Variants in SPI1 observed in about 807,000 individuals in gnomAD.
SPI1 encodes the protein transcription factor PU.1.
Under a neutral mutation model 30.7 loss-of-function variants are expected in SPI1, and 3 were observed. The ratio of observed to expected loss-of-function variants is 0.10; its 90% CI spans 0.04 to 0.25. The LOEUF (loss-of-function observed/expected upper bound fraction) is 0.25. SPI1 is among the 10% of genes least tolerant of loss of function. The pLI is 1.00. For synonymous variants in SPI1, 169 were observed against 157.1 expected (o/e 1.08, Z -0.56); for missense variants, 261 against 371.5 (o/e 0.70, Z 2.45).
In SPI1 at chr11:47,375,993, A is replaced by G. The variant is rs139184642; in HGVS notation, c.46-264T>C. ...CTGGGCTACTCCCCATAGCCACCTC[A>G]CGCTCACACTCACACTCACGCCTGT... On this transcript the variant is annotated intron_variant, in intron 1 of 4. Coordinates refer to ENST00000378538, the MANE Select transcript of SPI1 (RefSeq NM_003120.3). The surrounding 1 kb of genome is among the most constrained non-coding windows in gnomAD (Gnocchi z 4.2). Among the ~76,000 whole-genome samples the G allele has an allele frequency of 1.4e-4, 21 of 151,916 alleles. No homozygotes were observed. In the East Asian group the frequency reaches 4.1e-3, roughly 29 times the overall value.
At chr11:47,360,875 A>T (rs11039202) in intron 2 of SPI1, among the ~76,000 whole-genome samples, 45,481 of 150,158 alleles carry the variant, frequency 0.3, 7,051 homozygotes, top group Middle Eastern at 0.4. Flanking sequence ...TAATCCCAGC[A>T]CTTTGGGAGG....
At chr11:47,360,798 C>T (rs756050867) in intron 2 of SPI1, among the ~76,000 whole-genome samples, 8 of 143,398 alleles carry the variant, frequency 5.6e-5, no homozygotes, top group Admixed American at 1.4e-4. Flanking sequence ...GCACTCCAGC[C>T]TGGCGACAGA....
rs1202744874 is a variant in SPI1, at chr11:47,359,634, TG to T, written c.330+218del. On this transcript the variant is annotated intron_variant, in intron 3 of 4. Coordinates refer to ENST00000378538, the MANE Select transcript of SPI1 (RefSeq NM_003120.3). The surrounding 1 kb of genome is among the most constrained non-coding windows in gnomAD (Gnocchi z 5.1). ...GCTTGGTGAGGGTGCGAGAATTATC[TG>T]GGGTCTGTCCATACTCGGGGTGAGA... is the stretch of plus-strand genomic sequence containing the variant. Among the ~76,000 whole-genome samples the T allele has an allele frequency of 2.0e-5, 3 of 149,754 alleles. No homozygotes were observed. The East Asian group carries it at 5.9e-4, about 30-fold the overall frequency.
At chr11:47,360,162 G>GC in intron 2 of SPI1, 122 bp from the exon 3 acceptor site, 1 of 844,384 alleles carries the variant, frequency 1.2e-6, no homozygotes. Flanking sequence ...TTTAACCCTC[G>GC]CCACCTGCAT....
chr11:47,376,503 C>T (rs1392969890), intron 1 of SPI1, among the ~76,000 whole-genome samples: 1 of 151,930 alleles, frequency 6.6e-6, no homozygotes, highest in Non-Finnish European at 1.5e-5. Context: ...GGGCCTTGAT[C>T]CCCTCACTCT....
At chr11:47,366,917 T>A (rs1484026415) in intron 2 of SPI1, among the ~76,000 whole-genome samples, 1 of 152,260 alleles carries the variant, frequency 6.6e-6, no homozygotes, top group African/African-American at 2.4e-5. Context: ...CCTTGGATTC[T>A]AATTATTAGA....
chr11:47,357,635 G>T (rs1464582563), intron 4 of SPI1, among the ~76,000 whole-genome samples: 1 of 152,012 alleles, frequency 6.6e-6, no homozygotes, highest in African/African-American at 2.4e-5. Flanking sequence ...GCACGATCTC[G>T]GCTCACTGCA....
intron 2 of SPI1, among the ~76,000 whole-genome samples, chr11:47,367,188 T>A (rs2095929524): frequency 6.6e-6 from 1 of 152,042 alleles, no homozygotes; most frequent in South Asian, 2.1e-4. Context: ...AAGAAGTATA[T>A]GGAAATTGGA....
intron 4 of SPI1, among the ~76,000 whole-genome samples, chr11:47,356,012 A>G (rs2095908217): frequency 6.6e-6 from 1 of 150,834 alleles, no homozygotes; most frequent in Non-Finnish European, 1.5e-5. Context: ...GTATCTGATC[A>G]CACACATGCT....
At chr11:47,358,697 C>A (rs1188593854) in intron 4 of SPI1, 147 bp downstream of exon 4, 1 of 825,332 alleles carries the variant, frequency 1.2e-6, no homozygotes, top group Non-Finnish European at 2.0e-6. Context: ...CACAGACAGC[C>A]CCACAAAACA....
rs545850593 is a variant in SPI1, at chr11:47,375,471, G to A, written c.142+162C>T. On this transcript the variant is annotated intron_variant, in intron 2 of 4. Transcript: ENST00000378538. This position sits in a 1 kb window ranked among gnomAD's most constrained non-coding sequence, Gnocchi z 4.2. ...TCCATAATGGAGGCTCAGGTGTGGG[G>A]GTGCAGCGATGATGCTGCAGTTCAC... is the stretch of plus-strand genomic sequence containing the variant. Among the ~76,000 whole-genome samples, 1 of 152,188 alleles carries A rather than the reference G, an allele frequency of 6.6e-6. No homozygotes were observed. The highest frequency in any genetic ancestry group is 1.5e-5 in the Non-Finnish European group (1 of 68,040).
In SPI1 at chr11:47,374,975, T is replaced by A. The variant is rs1191049965; in HGVS notation, c.142+658A>T. Among the ~76,000 whole-genome samples the A allele has an allele frequency of 6.6e-6, 1 of 152,104 alleles. No individual in the cohort carries two copies. The highest frequency in any genetic ancestry group is 2.4e-5 in the African/African-American group (1 of 41,412). On this transcript the variant is annotated intron_variant, in intron 2 of 4. Transcript: ENST00000378538. This position sits in a 1 kb window ranked among gnomAD's most constrained non-coding sequence, Gnocchi z 4.5. ...TTTCCTTCGGCCCAGCAGTTCCCAA[T>A]TAGGGGTGATTTTGCCTCCCGGGGG... is the stretch of plus-strand genomic sequence containing the variant.
In SPI1 at chr11:47,359,157, G is replaced by A; in HGVS notation, c.331-151C>T. 1.4e-6 allele frequency: 1 copy of A among 694,450 alleles called. No homozygotes were observed. The highest frequency in any genetic ancestry group is 2.4e-6 in the Non-Finnish European group (1 of 418,834). The allele number at this position is 694,450 out of a possible 1,614,324, so 43.0% of individuals were successfully genotyped here. A position where few individuals can be genotyped will look rare whatever the true frequency, so the allele number is the denominator to read the frequency against. ...CTGGAGGAAGAAGACCAGGGAAAAG[G>A]GGGGCCAGTTGAGGTGCTGCACATA... On this transcript the variant is annotated intron_variant, in intron 3 of 4. Coordinates refer to ENST00000378538, the MANE Select transcript of SPI1 (RefSeq NM_003120.3). The surrounding 1 kb of genome is among the most constrained non-coding windows in gnomAD (Gnocchi z 5.1).
intron 1 of SPI1, among the ~76,000 whole-genome samples, chr11:47,376,282 G>A (rs990805015): frequency 1.1e-4 from 17 of 151,652 alleles, no homozygotes; most frequent in Admixed American, 5.9e-4. Context: ...ATGACACCAC[G>A]TTCCAGCCAT....
intron 2 of SPI1, among the ~76,000 whole-genome samples, chr11:47,360,987 G>A (rs2095919918): frequency 6.7e-6 from 1 of 149,948 alleles, no homozygotes; most frequent in Non-Finnish European, 1.5e-5. Flanking sequence ...TGGGCGTGGT[G>A]GCGGGTGCCT....
intron 2 of SPI1, among the ~76,000 whole-genome samples, chr11:47,364,175 G>T (rs1196902640): frequency 2.0e-5 from 3 of 150,644 alleles, no homozygotes; most frequent in Non-Finnish European, 4.4e-5. Flanking sequence ...TCAGCCTCCC[G>T]AGTAGCTGGG....
rs367672662 is a variant in SPI1, at chr11:47,378,300, G to A, written c.45+9C>T. On this transcript the variant is annotated intron_variant, in intron 1 of 4. Transcript: ENST00000378538. ...CGGGTTGGGCTGGTGGAGGAGTCCCGGTACTCACAGGGGGGACGAGGGGAA... is the reference window on the plus strand; with the variant it reads ...CGGGTTGGGCTGGTGGAGGAGTCCCAGTACTCACAGGGGGGACGAGGGGAA... The A allele has an allele frequency of 3.9e-5, 63 of 1,613,356 alleles. No homozygotes were observed. The highest frequency in any genetic ancestry group is 4.7e-5 in the Non-Finnish European group (55 of 1,179,666).
chr11:47,378,448 G>A lies in SPI1; in HGVS notation c.-95C>T, dbSNP rs1405141034. The A allele has an allele frequency of 2.5e-5, 35 of 1,401,282 alleles. No individual in the cohort carries two copies. The highest frequency in any genetic ancestry group is 5.9e-5 in the Admixed American group (3 of 51,014). 86.8% of individuals were successfully genotyped at this position (1,401,282 alleles called of 1,614,324 possible). ...GTGCCCCGTCAGGGGCTGGACGGTCGTGGGGCGGGTGCAGGGCTCAGGCCT... is the reference window on the plus strand; with the variant it reads ...GTGCCCCGTCAGGGGCTGGACGGTCATGGGGCGGGTGCAGGGCTCAGGCCT... On this transcript the variant is annotated 5_prime_UTR_variant, in exon 1 of 5. In the 5' UTR this introduces an upstream ATG that the reference lacks. Coordinates refer to ENST00000378538, the MANE Select transcript of SPI1 (RefSeq NM_003120.3).
Position 47,355,434 on chromosome 11 carries a change from C to A in SPI1, c.606G>T (p.Ser202=). The A allele has an allele frequency of 6.2e-7, 1 of 1,613,794 alleles. No individual in the cohort carries two copies. The highest frequency in any genetic ancestry group is 8.5e-7 in the Non-Finnish European group (1 of 1,179,752). ...VDKDKGTFQF[S]SKHKEALAHR... is the part of the protein sequence containing the mutation. Reference sequence around the variant, plus strand: ...GCGCCAGCGCCTCCTTGTGCTTGGACGAGAACTGGAAGGTGCCCTTGTCCT... The same window carrying A: ...GCGCCAGCGCCTCCTTGTGCTTGGAAGAGAACTGGAAGGTGCCCTTGTCCT... The change falls in exon 5 of 5, where the codon TCG becomes TCT. Residue 202 remains serine, a synonymous_variant. Transcript: ENST00000378538.
Sources: allele counts gnomAD v4.1 joint callset (sites outside exome capture counted in the v4.1 genomes callset), GRCh38; gene constraint gnomAD v4.1.1; non-coding constraint Gnocchi (gnomAD v3.1); transcripts MANE v1.5; gene names NCBI Gene and HGNC (gene_info 2026-07-23, HGNC 2026-07-21).